The following PTPRT variants were observed in gnomAD, a reference collection of about 807,000 sequenced individuals.
PTPRT encodes the protein protein tyrosine phosphatase receptor type T.
PTPRT carries 56 observed loss-of-function variants against 176.8 expected under a neutral mutation model. The observed-to-expected ratio is 0.32, with a 90% CI of 0.26 to 0.40. The LOEUF is 0.40. Among genes scored for constraint, PTPRT ranks in the 10% least tolerant of loss-of-function variants. The pLI, the probability that PTPRT is intolerant of heterozygous loss-of-function variation, is 1.00. For synonymous variants in PTPRT, 783 were observed against 739.0 expected (o/e 1.06, Z -0.96); for missense variants, 1,540 against 1,908.2 (o/e 0.81, Z 3.60).
chr20:42,342,685 A>G (rs1355863034), intron 11 of PTPRT, among the ~76,000 whole-genome samples: 1 of 152,220 alleles, frequency 6.6e-6, no homozygotes, highest in Non-Finnish European at 1.5e-5. Context: ...TCTGAGAATC[A>G]GACGGTAATG....
intron 6 of PTPRT, among the ~76,000 whole-genome samples, chr20:42,751,034 TA>T (rs779603916): frequency 6.6e-6 from 1 of 152,208 alleles, no homozygotes; most frequent in Non-Finnish European, 1.5e-5. Flanking sequence ...AATTTGATAT[TA>T]CCTACCCTCA....
the PTPRT span, among the ~76,000 whole-genome samples, chr20:42,046,778 A>AGTGTGT: frequency 6.7e-3 from 1,016 of 150,800 alleles, 13 homozygotes; most frequent in African/African-American, 0.023. Context: ...TTGTCATGTG[A>AGTGTGT]GTGTGTGTGT....
rs1982747178 is a variant in PTPRT, at chr20:42,076,153, A to G, written c.*4726T>C. 4.9e-6 allele frequency: 1 copy of G among 202,244 alleles called. No individual in the cohort carries two copies. Among genetic ancestry groups the G allele is most frequent in the Non-Finnish European group, 1.0e-5 (1 of 98,430 alleles). The allele number at this position is 202,244 out of a possible 1,614,324, so 12.5% of individuals were successfully genotyped here. ...TCCACCACAACCCCATGCCTTACCC[A>G]GGAATTAATTGTGCCATAGTAATCT... On this transcript the variant is annotated 3_prime_UTR_variant, in exon 31 of 31. Coordinates refer to ENST00000373187, the MANE Select transcript of PTPRT (RefSeq NM_007050.6).
intron 9 of PTPRT, among the ~76,000 whole-genome samples, chr20:42,434,920 G>C (rs1257209098): frequency 6.6e-6 from 1 of 151,916 alleles, no homozygotes; most frequent in Non-Finnish European, 1.5e-5. Context: ...AGTTGAGATT[G>C]CATCACTGCA....
chr20:42,092,634 C>T (rs1984744372), intron 27 of PTPRT, among the ~76,000 whole-genome samples: 1 of 152,182 alleles, frequency 6.6e-6, no homozygotes, highest in Non-Finnish European at 1.5e-5. Context: ...AAAGTCAGAC[C>T]TGAGGCTGGC....
intron 7 of PTPRT, among the ~76,000 whole-genome samples, chr20:42,588,295 T>C (rs2073507451): frequency 6.6e-6 from 1 of 151,972 alleles, no homozygotes; most frequent in African/African-American, 2.4e-5. Context: ...AATACAAAAA[T>C]TAGCCAGGCG....
chr20:43,062,559 G>A (rs183328725), intron 1 of PTPRT, among the ~76,000 whole-genome samples: 2 of 152,266 alleles, frequency 1.3e-5, no homozygotes, highest in African/African-American at 4.8e-5. Context: ...CTTACTATTA[G>A]CTCTCCCTGA....
intron 12 of PTPRT, among the ~76,000 whole-genome samples, chr20:42,301,047 G>A (rs2057460808): frequency 6.6e-6 from 1 of 152,066 alleles, no homozygotes; most frequent in African/African-American, 2.4e-5. Context: ...AAAAATATCA[G>A]CAAATGCTAA....
At chr20:42,713,005 T>A (rs1233268871) in intron 6 of PTPRT, among the ~76,000 whole-genome samples, 2 of 151,946 alleles carry the variant, frequency 1.3e-5, no homozygotes, top group African/African-American at 2.4e-5. Context: ...ATACATTAAG[T>A]GGAAAAAAAT....
At chr20:42,996,829 G>A (rs1984248527) in intron 1 of PTPRT, among the ~76,000 whole-genome samples, 1 of 152,172 alleles carries the variant, frequency 6.6e-6, no homozygotes, top group African/African-American at 2.4e-5. Flanking sequence ...ATATGTCTCA[G>A]CGTCACTATT....
intron 6 of PTPRT, among the ~76,000 whole-genome samples, chr20:42,693,203 G>A: frequency 6.6e-6 from 1 of 152,074 alleles, no homozygotes. Flanking sequence ...ACATTACTGG[G>A]ATACATTTTT....
At chr20:42,888,376 C>A (rs1013951653) in intron 1 of PTPRT, among the ~76,000 whole-genome samples, 1 of 152,186 alleles carries the variant, frequency 6.6e-6, no homozygotes, top group African/African-American at 2.4e-5. Flanking sequence ...AGCATATTCT[C>A]CCAAGCATTT....
At chr20:42,753,929 C>G (rs893362746) in intron 6 of PTPRT, among the ~76,000 whole-genome samples, 5 of 152,192 alleles carry the variant, frequency 3.3e-5, no homozygotes, top group African/African-American at 1.2e-4. Flanking sequence ...GCTAAACTAA[C>G]TCCCATAGCC....
At chr20:42,905,545 G>C (rs1348658803) in intron 1 of PTPRT, among the ~76,000 whole-genome samples, 1 of 152,138 alleles carries the variant, frequency 6.6e-6, no homozygotes, top group African/African-American at 2.4e-5. Context: ...AATACCATTT[G>C]ACCCAGCCAT....
chr20:42,538,678 A>T (rs1297393744), intron 7 of PTPRT, among the ~76,000 whole-genome samples: 1 of 152,180 alleles, frequency 6.6e-6, no homozygotes, highest in Non-Finnish European at 1.5e-5. Flanking sequence ...GGGAATCCTG[A>T]TGCTCTCATA....
At chr20:42,437,449 T>C (rs1275774701) in intron 9 of PTPRT, among the ~76,000 whole-genome samples, 1 of 152,210 alleles carries the variant, frequency 6.6e-6, no homozygotes, top group Non-Finnish European at 1.5e-5. Context: ...AACCCACTAT[T>C]TGACGTGCAG....
downstream of PTPRT, among the ~76,000 whole-genome samples, chr20:42,071,170 C>T (rs2146038748): frequency 6.6e-6 from 1 of 152,280 alleles, no homozygotes; most frequent in Non-Finnish European, 1.5e-5. Context: ...TGCAAGAGAA[C>T]AAGGTGAACC....
chr20:42,223,559 C>T (rs1236518203), intron 15 of PTPRT, among the ~76,000 whole-genome samples: 1 of 152,206 alleles, frequency 6.6e-6, no homozygotes. Flanking sequence ...GAGCAAATTG[C>T]CCCTTGCCTA....
intron 1 of PTPRT, among the ~76,000 whole-genome samples, chr20:43,083,087 G>C (rs1255851186): frequency 6.6e-6 from 1 of 151,786 alleles, no homozygotes; most frequent in East Asian, 1.9e-4. Flanking sequence ...CCCGAATAAA[G>C]CCCTCTTCCC....
Sources: gnomAD v4.1 joint callset for allele counts (sites outside exome capture counted in the v4.1 genomes callset) on GRCh38, gnomAD v4.1.1 for gene constraint, MANE v1.5 for transcripts, NCBI Gene and HGNC (gene_info 2026-07-23, HGNC 2026-07-21) for gene names.